LAMB2: variants seen among roughly 807,000 people sequenced by gnomAD.
LAMB2 encodes laminin subunit beta 2.
In LAMB2, 119 loss-of-function variants were observed where a neutral mutation model predicts 202.7. That is an observed-to-expected ratio of 0.59 (90% CI 0.51 to 0.68). The LOEUF is 0.68. LAMB2 is among the 30% of genes least tolerant of loss of function. The pLI is 0.00. For missense variants in LAMB2, 2,124 were observed against 2,410.6 expected (o/e 0.88, Z 2.49); for synonymous variants, 818 against 902.2 (o/e 0.91, Z 1.67).
chr3:49,122,221 G>C lies in LAMB2; in HGVS notation c.4723C>G (p.Arg1575Gly). Reference protein sequence around the residue: ...SLADVDAILARTVGDVRRAEQ... With the variant: ...SLADVDAILAGTVGDVRRAEQ... ...GCACGACGCACATCTCCTACAGTAC[G>C]TGCCAGGATCGCATCCACATCTGCC... The change falls in exon 28 of 32, where the codon CGT becomes GGT. Residue 1575 changes from arginine to glycine, a missense_variant. Around this residue, in one of 3 missense-constraint regions of LAMB2, gnomAD observed 1,702 missense variants for 1,896.3 expected, o/e 0.90. Coordinates refer to ENST00000305544, the MANE Select transcript of LAMB2 (RefSeq NM_002292.4). 1 of 1,613,458 alleles carries C rather than the reference G, an allele frequency of 6.2e-7. No homozygotes were observed. Among genetic ancestry groups the C allele is most frequent in the Non-Finnish European group, 8.5e-7 (1 of 1,180,040 alleles).
rs751936131 is a variant in LAMB2 at position 49,122,014 on chromosome 3, T to C, written c.4853A>G (p.Gln1618Arg). 8.7e-6 allele frequency: 14 copies of C among 1,613,716 alleles called. No individual in the cohort carries two copies. The East Asian group carries it at 3.1e-4, about 36-fold the overall frequency. The change falls in exon 29 of 32, where the codon CAG becomes CGG. Residue 1618 changes from glutamine (Q) to arginine (R), a missense_variant. This residue lies in a region of LAMB2 where 1,702 missense variants were observed against 1,896.3 expected (regional missense o/e 0.90). Transcript: ENST00000305544. Reference protein sequence around the residue: ...QAALEEAQRAQGIAQGAIRGA... With the variant: ...QAALEEAQRARGIAQGAIRGA... ...CCGGATGGCACCCTGGGCAATACCC[T>C]GTGCCCGCTGGGCCTCCTCCAGTGC...
Position 49,122,088 on chromosome 3 carries a change from G to A in LAMB2, c.4782-3C>T. 1.2e-6 allele frequency: 2 copies of A among 1,613,318 alleles called. No homozygotes were observed. Among genetic ancestry groups the A allele is most frequent in the South Asian group, 1.1e-5 (1 of 91,088 alleles). Reference sequence around the variant, plus strand: ...GTTTCTCATCCTCAGCCCAGCTCCTGGGGAGAAGGGGGAATCAGAACCTGG... The same window carrying A: ...GTTTCTCATCCTCAGCCCAGCTCCTAGGGAGAAGGGGGAATCAGAACCTGG... On this transcript the variant is annotated splice_polypyrimidine_tract_variant and splice_region_variant and intron_variant, in intron 28 of 31. Coordinates refer to ENST00000305544, the MANE Select transcript of LAMB2 (RefSeq NM_002292.4).
Position 49,124,734 on chromosome 3 carries a change from A to C in LAMB2, c.3076T>G (p.Phe1026Val). The C allele has an allele frequency of 1.2e-6, 2 of 1,614,180 alleles. No individual in the cohort carries two copies. The highest frequency in any genetic ancestry group is 1.7e-6 in the Non-Finnish European group (2 of 1,180,026). Reference protein sequence around the residue: ...GPHCAHCKPGFHGQAARQSCH... With the variant: ...GPHCAHCKPGVHGQAARQSCH... ...CTCTGTCGGGCAGCCTGCCCATGGA[A>C]GCCAGGCTTGCAGTGGGCACAGTGT... Residue 1026 changes from phenylalanine to valine, a missense_variant, in exon 21 of 32, where the codon TTC becomes GTC. By Grantham distance (50) the Phe-to-Val change is conservative (BLOSUM62 -1). This residue lies in a region of LAMB2 where 1,702 missense variants were observed against 1,896.3 expected (regional missense o/e 0.90). Coordinates refer to ENST00000305544, the MANE Select transcript of LAMB2 (RefSeq NM_002292.4).
At position 49,122,697 on chromosome 3, in the gene LAMB2, G is replaced by C; in HGVS notation, c.4573+7C>G. The stretch of plus-strand genomic sequence containing the variant: ...ACCACATGGCCTGGGACACGTGGGA[G>C]GCTCACGGTTGAGGAAGTCCTTCAC... On this transcript the variant is annotated splice_region_variant and intron_variant, in intron 27 of 31. Transcript: ENST00000305544. The C allele has an allele frequency of 6.2e-7, 1 of 1,611,050 alleles. No homozygotes were observed. The highest frequency in any genetic ancestry group is 1.3e-5 in the African/African-American group (1 of 74,954).
chr3:49,126,092 C>A lies in LAMB2; in HGVS notation c.2219G>T (p.Arg740Leu), dbSNP rs781721930. ...FSGGDAAALERQATFERYQCH... is the reference protein window; with the variant it reads ...FSGGDAAALELQATFERYQCH... Reference sequence around the variant, plus strand: ...TTGGTAGCGTTCAAAGGTGGCCTGGCGCTCCAGGGCAGCAGCATCACCCCC... The same window carrying A: ...TTGGTAGCGTTCAAAGGTGGCCTGGAGCTCCAGGGCAGCAGCATCACCCCC... Residue 740 changes from arginine (R) to leucine (L), a missense_variant, in exon 17 of 32, where the codon CGC becomes CTC. Around this residue, in one of 3 missense-constraint regions of LAMB2, gnomAD observed 1,702 missense variants for 1,896.3 expected, o/e 0.90. Transcript: ENST00000305544. 1.9e-6 allele frequency: 3 copies of A among 1,613,916 alleles called. No homozygotes were observed. The South Asian group carries it at 3.3e-5, about 18-fold the overall frequency.
Position 49,122,257 on chromosome 3 carries a change from C to G in LAMB2, c.4687G>C (p.Val1563Leu). Residue 1563 changes from valine to leucine, a missense_variant, in exon 28 of 32, where the codon GTC (valine) becomes CTC (leucine). Val to Leu is a conservative substitution (Grantham distance 32, BLOSUM62 1). Around this residue, in one of 3 missense-constraint regions of LAMB2, gnomAD observed 1,702 missense variants for 1,896.3 expected, o/e 0.90. Coordinates refer to ENST00000305544, the MANE Select transcript of LAMB2 (RefSeq NM_002292.4). ...QHLAGAIAER[V>L]RSLADVDAIL... ...GCATCCACATCTGCCAGGCTCCGGA[C>G]TCGCTCTGCAATCGCACCCGCCAGG... The G allele has an allele frequency of 6.2e-7, 1 of 1,613,512 alleles. No individual in the cohort carries two copies. Among genetic ancestry groups the G allele is most frequent in the Non-Finnish European group, 8.5e-7 (1 of 1,180,050 alleles).
chr3:49,126,562 C>A, intron 15 of LAMB2, 65 bp from the exon 16 acceptor site: 1 of 1,600,648 alleles, frequency 6.2e-7, no homozygotes, highest in Non-Finnish European at 8.5e-7. Flanking sequence ...ATCTGGGCCT[C>A]CCCCATCCTT....
chr3:49,129,747 G>T lies in LAMB2; in HGVS notation c.1406-31C>A. 1 of 1,609,596 alleles carries T rather than the reference G, an allele frequency of 6.2e-7. No individual in the cohort carries two copies. Among genetic ancestry groups the T allele is most frequent in the Non-Finnish European group, 8.5e-7 (1 of 1,176,030 alleles). On this transcript the variant is annotated intron_variant, in intron 10 of 31. Transcript: ENST00000305544. The surrounding 1 kb of genome is among the most constrained non-coding windows in gnomAD (Gnocchi z 6.1). ...GGGAAGGAGAACCATCAGCACTTTG[G>T]GAAACTGTGGCAGTGCTCATGTTCA...
At position 49,128,558 on chromosome 3, in the gene LAMB2, G is replaced by T; in HGVS notation, c.1918C>A (p.Leu640Met). The change falls in exon 15 of 32, where the codon CTG (leucine) becomes ATG (methionine). Residue 640 changes from leucine (L) to methionine (M), a missense_variant. Coordinates refer to ENST00000305544, the MANE Select transcript of LAMB2 (RefSeq NM_002292.4). The part of the protein sequence containing the change: ...QVPEQWAELE[L>M]IVQRPGPVPA... ...ACAGGCCCTGGACGCTGCACAATCA[G>T]TTCCAACTCTGCCCATTGCTCAGGG... 4 of 1,614,230 alleles carry T rather than the reference G, an allele frequency of 2.5e-6. No homozygotes were observed. Among genetic ancestry groups the T allele is most frequent in the Non-Finnish European group, 3.4e-6 (4 of 1,180,044 alleles).
rs967084004 is a variant in LAMB2, at chr3:49,124,557, C to A, written c.3165G>T (p.Gln1055His). The A allele has an allele frequency of 1.2e-5, 19 of 1,613,726 alleles. No homozygotes were observed. Among genetic ancestry groups the A allele is most frequent in the Non-Finnish European group, 1.6e-5 (19 of 1,180,008 alleles). Residue 1055 changes from glutamine to histidine, a missense_variant, in exon 22 of 32, where the codon CAG (glutamine) becomes CAT (histidine). Coordinates refer to ENST00000305544, the MANE Select transcript of LAMB2 (RefSeq NM_002292.4). ...GCCCACTGCTTGGATCACAGTGGCA[C>A]TGGTCAGGAGATGGGCACTGCTGCG... ...TNPQQCPSPD[Q>H]CHCDPSSGQC...
chr3:49,130,133 C>T lies in LAMB2; in HGVS notation c.1225+98G>A. On this transcript the variant is annotated intron_variant, in intron 9 of 31. Coordinates refer to ENST00000305544, the MANE Select transcript of LAMB2 (RefSeq NM_002292.4). This position sits in a 1 kb window ranked among gnomAD's most constrained non-coding sequence, Gnocchi z 5.0. ...ATCCCTGGTCAAGTTCTATCCCAAG[C>T]CCCTAACCCCAATTTCCTGCAATTT... The T allele has an allele frequency of 6.3e-7, 1 of 1,584,976 alleles. No homozygotes were observed. Among genetic ancestry groups the T allele is most frequent in the Non-Finnish European group, 8.7e-7 (1 of 1,155,622 alleles).
rs545146233 is a variant in LAMB2, at chr3:49,127,650, G to A, written c.2018+808C>T. Among the ~76,000 whole-genome samples the A allele has an allele frequency of 3.4e-3, 518 of 152,026 alleles. 2 individuals carry two copies. Among genetic ancestry groups the A allele is most frequent in the Non-Finnish European group, 3.0e-3 (207 of 68,002 alleles). ...GTGGAGCTTGCAGTGAGCCGAGATC[G>A]CGCCAGTGCACTCCAGCCTGGGCGA... On this transcript the variant is annotated intron_variant, in intron 15 of 31. Transcript: ENST00000305544.
Position 49,132,089 on chromosome 3 carries a change from C to A in LAMB2, c.459+27G>T. ...CAATGGAGAGCCAAGCAGGGTGATTCGGGCAGGCTCCCAGATATGCAGGCA... is the reference window on the plus strand; with the variant it reads ...CAATGGAGAGCCAAGCAGGGTGATTAGGGCAGGCTCCCAGATATGCAGGCA... On this transcript the variant is annotated intron_variant, in intron 4 of 31. Transcript: ENST00000305544. This position sits in a 1 kb window ranked among gnomAD's most constrained non-coding sequence, Gnocchi z 4.6. 2 of 1,608,310 alleles carry A rather than the reference C, an allele frequency of 1.2e-6. No homozygotes were observed. Among genetic ancestry groups the A allele is most frequent in the South Asian group, 1.1e-5 (1 of 90,810 alleles).
At position 49,128,578 on chromosome 3, in the gene LAMB2, T is replaced by C; in HGVS notation, c.1898A>G (p.Glu633Gly). Residue 633 changes from glutamate (E) to glycine (G), a missense_variant, in exon 15 of 32, where the codon GAG becomes GGG. Physicochemically the swap from Glu to Gly is moderately conservative, Grantham distance 98. This residue lies in a region of LAMB2 where 1,702 missense variants were observed against 1,896.3 expected (regional missense o/e 0.90). Transcript: ENST00000305544. Reference protein sequence around the residue: ...LLLRLEPQVPEQWAELELIVQ... With the variant: ...LLLRLEPQVPGQWAELELIVQ... ...AATCAGTTCCAACTCTGCCCATTGC[T>C]CAGGGACCTGGGAAAACGGGATGAT... is the stretch of plus-strand genomic sequence containing the variant. The C allele has an allele frequency of 1.2e-6, 2 of 1,614,208 alleles. No individual in the cohort carries two copies. The highest frequency in any genetic ancestry group is 2.2e-5 in the South Asian group (2 of 91,092).
Position 49,125,974 on chromosome 3 carries a change from A to G in LAMB2, c.2337T>C (p.Gly779=). ...CACATCACAGACACTCACGCAGGGCACCATTGTAGATGAGGGTGGACAGGC... is the reference window on the plus strand; with the variant it reads ...CACATCACAGACACTCACGCAGGGCGCCATTGTAGATGAGGGTGGACAGGC... ...LISLSTLIYN[G]ALPCQCNPQG... is the part of the protein sequence containing the mutation. The change falls in exon 17 of 32, where the codon GGT becomes GGC. Residue 779 remains glycine (G), a synonymous_variant. Transcript: ENST00000305544. 1 of 1,614,142 alleles carries G rather than the reference A, an allele frequency of 6.2e-7. No homozygotes were observed. Among genetic ancestry groups the G allele is most frequent in the Non-Finnish European group, 8.5e-7 (1 of 1,180,030 alleles).
chr3:49,121,520 G>T lies in LAMB2; in HGVS notation c.5173C>A (p.Leu1725Met). The T allele has an allele frequency of 6.2e-7, 1 of 1,614,082 alleles. No homozygotes were observed. The highest frequency in any genetic ancestry group is 8.5e-7 in the Non-Finnish European group (1 of 1,180,046). ...ALAERKAQGVLAAQARAEQLR... is the reference protein window; with the variant it reads ...ALAERKAQGVMAAQARAEQLR... ...TGTTCTGCCCTTGCCTGTGCAGCCA[G>T]CACACCTTGGGCCTTGCGCTCAGCT... Residue 1725 changes from leucine (L) to methionine (M), a missense_variant, in exon 31 of 32, where the codon CTG becomes ATG. Coordinates refer to ENST00000305544, the MANE Select transcript of LAMB2 (RefSeq NM_002292.4).
Position 49,130,974 on chromosome 3 carries a change from C to T in LAMB2, c.891G>A (p.Gly297=), listed in dbSNP as rs774672207. The part of the protein sequence containing the change: ...GHASECAPAP[G]APAHAEGMVH... ...CCATGCCCTCAGCATGGGCTGGTGC[C>T]CCTGGGGCGGGTGCACACTCTGAGG... is the stretch of plus-strand genomic sequence containing the variant. Residue 297 remains glycine, a synonymous_variant, in exon 7 of 32, where the codon GGG becomes GGA. Transcript: ENST00000305544. This position sits in a 1 kb window ranked among gnomAD's most constrained non-coding sequence, Gnocchi z 5.0. The T allele has an allele frequency of 5.0e-6, 8 of 1,613,986 alleles. No homozygotes were observed. The highest frequency in any genetic ancestry group is 1.3e-5 in the African/African-American group (1 of 74,944).
intron 18 of LAMB2, 69 bp downstream of exon 18, chr3:49,125,678 G>A: frequency 3.2e-6 from 5 of 1,584,858 alleles, no homozygotes; most frequent in Non-Finnish European, 4.3e-6. Flanking sequence ...AGCAGGTCCA[G>A]AAGGAGGAGA....
rs752667133 is a variant in LAMB2, at chr3:49,121,558, G to T, written c.5135C>A (p.Thr1712Lys). Residue 1712 changes from threonine to lysine, a missense_variant, in exon 31 of 32, where the codon ACG becomes AAG. Transcript: ENST00000305544. The part of the protein sequence containing the change: ...LRGPLGDQYQ[T>K]VKALAERKAQ... ...CTTGCGCTCAGCTAGGGCCTTCACC[G>T]TCTGGTACTGATCACCCAGAGGACC... 3 of 1,613,972 alleles carry T rather than the reference G, an allele frequency of 1.9e-6. No homozygotes were observed. Among genetic ancestry groups the T allele is most frequent in the Admixed American group, 3.3e-5 (2 of 60,016 alleles).
Sources: gnomAD v4.1 joint callset for allele counts (sites outside exome capture counted in the v4.1 genomes callset) on GRCh38, gnomAD v4.1.1 for gene constraint, gnomAD v4.1.1 regional missense constraint, Gnocchi (gnomAD v3.1) non-coding constraint, MANE v1.5 for transcripts, NCBI Gene and HGNC (gene_info 2026-07-23, HGNC 2026-07-21) for gene names.